Variants in APC2 observed in about 807,000 individuals in gnomAD.
APC2 encodes the protein adenomatous polyposis coli protein 2.
In APC2, 41 loss-of-function variants were observed where a neutral mutation model predicts 72.5. The observed-to-expected ratio is 0.57, with a 90% CI of 0.44 to 0.73. The LOEUF (loss-of-function observed/expected upper bound fraction) is 0.73, where lower values mean the gene tolerates loss of function less well. Ranked by LOEUF, APC2 falls within the 30% of genes least tolerant of loss-of-function variation. APC2 has a pLI of 0.00. For synonymous variants in APC2, 1,898 were observed against 1,612.0 expected (o/e 1.18, Z -4.25); for missense variants, 3,729 against 3,403.4 (o/e 1.10, Z -2.38).
upstream of APC2, among the ~76,000 whole-genome samples, chr19:1,447,379 C>T (rs902733432): frequency 3.3e-5 from 5 of 152,176 alleles, no homozygotes; most frequent in East Asian, 7.7e-4. Context: ...TGCCAGGCTG[C>T]GGACTTGCGG....
chr19:1,467,508 G>A lies in APC2; in HGVS notation c.4207G>A (p.Ala1403Thr), dbSNP rs1310771153. 2.0e-6 allele frequency: 3 copies of A among 1,464,332 alleles called. No individual in the cohort carries two copies. The highest frequency in any genetic ancestry group is 2.7e-6 in the Non-Finnish European group (3 of 1,110,544). The allele number at this position is 1,464,332 out of a possible 1,614,324, so 90.7% of individuals were successfully genotyped here. A position where few individuals can be genotyped will look rare whatever the true frequency, so the allele number is the denominator to read the frequency against. Reference protein sequence around the residue: ...AEGTPVNFSSAASLSDETLQG... With the variant: ...AEGTPVNFSSTASLSDETLQG... ...GGGCACGCCGGTCAACTTCTCTAGC[G>A]CCGCCTCGCTCAGCGACGAGACGCT... Residue 1403 changes from alanine (A) to threonine (T), a missense_variant, in exon 15 of 15, where the codon GCC becomes ACC. Transcript: ENST00000590469.
Position 1,453,691 on chromosome 19 carries a change from A to G in APC2, c.413+80A>G, listed in dbSNP as rs2083775855. 2.0e-6 allele frequency: 3 copies of G among 1,506,076 alleles called. No homozygotes were observed. The African/African-American group carries it at 4.2e-5, about 21-fold the overall frequency. 93.3% of individuals were successfully genotyped at this position (1,506,076 alleles called of 1,614,324 possible). ...GCGGGCTCTGCCCTCTAATTCGCCCACCCGCATATGTCTCTGCCCACACCT... is the reference window on the plus strand; with the variant it reads ...GCGGGCTCTGCCCTCTAATTCGCCCGCCCGCATATGTCTCTGCCCACACCT... On this transcript the variant is annotated intron_variant, in intron 4 of 14. Coordinates refer to ENST00000590469, the MANE Select transcript of APC2 (RefSeq NM_005883.3).
At position 1,469,333 on chromosome 19, in the gene APC2, T is replaced by C. The variant is rs1239537442; in HGVS notation, c.6032T>C (p.Leu2011Pro). ...GGCTTGCGGCGCCGCCGCTCCGAGC[T>C]GTCCTCGGCCGAGTCCGCGGCCTCT... ...SPGLRRRRSE[L>P]SSAESAASAP... Residue 2011 changes from leucine (L) to proline (P), a missense_variant, in exon 15 of 15, where the codon CTG becomes CCG. Leu to Pro is a moderately conservative substitution (Grantham distance 98). Transcript: ENST00000590469. The C allele has an allele frequency of 7.3e-7, 1 of 1,374,376 alleles. No individual in the cohort carries two copies. The highest frequency in any genetic ancestry group is 2.8e-5 in the Admixed American group (1 of 35,912). The allele number at this position is 1,374,376 out of a possible 1,614,324, so 85.1% of individuals were successfully genotyped here.
chr19:1,471,709 T>C lies in APC2; in HGVS notation c.*1496T>C, dbSNP rs1024339286. ...GGAGGAACGAAGCAGGGTTTGAGGGTTGGGTGGATGGAGCTCAGAAGGAAA... is the reference window on the plus strand; with the variant it reads ...GGAGGAACGAAGCAGGGTTTGAGGGCTGGGTGGATGGAGCTCAGAAGGAAA... On this transcript the variant is annotated 3_prime_UTR_variant, in exon 15 of 15. Transcript: ENST00000590469. 2.0e-5 allele frequency: 3 copies of C among 152,256 alleles called. No homozygotes were observed. The highest frequency in any genetic ancestry group is 2.9e-5 in the Non-Finnish European group (2 of 68,096). 9.4% of individuals were successfully genotyped at this position (152,256 alleles called of 1,614,324 possible).
chr19:1,469,578 C>T lies in APC2; in HGVS notation c.6277C>T (p.Pro2093Ser). The change falls in exon 15 of 15, where the codon CCG becomes TCG. Residue 2093 changes from proline to serine, a missense_variant. Physicochemically the swap from Pro to Ser is moderately conservative, Grantham distance 74. Coordinates refer to ENST00000590469, the MANE Select transcript of APC2 (RefSeq NM_005883.3). ...RLPVRAPAARPETVKRYASLP... is the reference protein window; with the variant it reads ...RLPVRAPAARSETVKRYASLP... ...GCCTGTGCGCGCGCCCGCCGCCCGG[C>T]CGGAGACTGTCAAGCGCTACGCGTC... The T allele has an allele frequency of 1.6e-6, 2 of 1,255,596 alleles. No individual in the cohort carries two copies. The highest frequency in any genetic ancestry group is 2.0e-6 in the Non-Finnish European group (2 of 986,932). The allele number at this position is 1,255,596 out of a possible 1,614,324, so 77.8% of individuals were successfully genotyped here.
chr19:1,469,803 C>A lies in APC2; in HGVS notation c.6502C>A (p.Pro2168Thr), dbSNP rs2084101448. Reference protein sequence around the residue: ...LRSTLPATALPLRGSTPEDAP... With the variant: ...LRSTLPATALTLRGSTPEDAP... ...CAGCACGCTTCCCGCCACGGCCCTG[C>A]CACTGCGGGGCTCCACGCCCGAGGA... The change falls in exon 15 of 15, where the codon CCA becomes ACA. Residue 2168 changes from proline to threonine, a missense_variant. Coordinates refer to ENST00000590469, the MANE Select transcript of APC2 (RefSeq NM_005883.3). 1.3e-6 allele frequency: 2 copies of A among 1,522,008 alleles called. No individual in the cohort carries two copies. Among genetic ancestry groups the A allele is most frequent in the Non-Finnish European group, 1.8e-6 (2 of 1,142,204 alleles). The allele number at this position is 1,522,008 out of a possible 1,614,324, so 94.3% of individuals were successfully genotyped here. A position where few individuals can be genotyped will look rare whatever the true frequency, so the allele number is the denominator to read the frequency against.
At chr19:1,459,168 T>G (rs1030461129) in intron 10 of APC2, among the ~76,000 whole-genome samples, 15 of 152,144 alleles carry the variant, frequency 9.9e-5, no homozygotes, top group African/African-American at 3.6e-4. Flanking sequence ...CGTGACATCC[T>G]CAAGGTGCAC....
Position 1,466,241 on chromosome 19 carries a change from C to T in APC2, c.2940C>T (p.Ala980=). 6.5e-7 allele frequency: 1 copy of T among 1,536,220 alleles called. No individual in the cohort carries two copies. Among genetic ancestry groups the T allele is most frequent in the Non-Finnish European group, 8.7e-7 (1 of 1,148,212 alleles). ...DLPGCQAEPP[A]REATSADARV... ...CCGGCTGCCAGGCCGAGCCCCCGGC[C>T]CGCGAGGCCACCTCCGCCGACGCCC... Residue 980 remains alanine, a synonymous_variant, in exon 15 of 15, where the codon GCC becomes GCT. Transcript: ENST00000590469.
rs2083756884 is a variant in APC2, at chr19:1,452,591, C to T, written c.-18-393C>T. ...TGGCTGTGAGCCTGGGGGTGCTGGG[C>T]TGGCCAGTCGGCTTGCTGGGTTAGG... On this transcript the variant is annotated intron_variant, in intron 1 of 14. Coordinates refer to ENST00000590469, the MANE Select transcript of APC2 (RefSeq NM_005883.3). The surrounding 1 kb of genome is among the most constrained non-coding windows in gnomAD (Gnocchi z 5.1). The T allele has an allele frequency of 1.1e-5, 2 of 189,340 alleles. No individual in the cohort carries two copies. Among genetic ancestry groups the T allele is most frequent in the Non-Finnish European group, 2.2e-5 (2 of 90,434 alleles). The allele number at this position is 189,340 out of a possible 1,614,324, so 11.7% of individuals were successfully genotyped here.
intron 9 of APC2, chr19:1,457,481 G>C: frequency 1.7e-6 from 1 of 582,330 alleles, no homozygotes; most frequent in Non-Finnish European, 2.9e-6. Context: ...ATGGATCGTG[G>C]GTAACTCTGG....
At position 1,469,819 on chromosome 19, in the gene APC2, C is replaced by A; in HGVS notation, c.6518C>A (p.Thr2173Lys). 1 of 1,520,600 alleles carries A rather than the reference C, an allele frequency of 6.6e-7. No individual in the cohort carries two copies. Among genetic ancestry groups the A allele is most frequent in the Non-Finnish European group, 8.8e-7 (1 of 1,141,262 alleles). 94.2% of individuals were successfully genotyped at this position (1,520,600 alleles called of 1,614,324 possible). A position where few individuals can be genotyped will look rare whatever the true frequency, so the allele number is the denominator to read the frequency against. ...ACGGCCCTGCCACTGCGGGGCTCCACGCCCGAGGACGCCCCGGCCGGGCCC... is the reference window on the plus strand; with the variant it reads ...ACGGCCCTGCCACTGCGGGGCTCCAAGCCCGAGGACGCCCCGGCCGGGCCC... ...PATALPLRGSTPEDAPAGPPP... is the reference protein window; with the variant it reads ...PATALPLRGSKPEDAPAGPPP... The change falls in exon 15 of 15, where the codon ACG (threonine) becomes AAG (lysine). Residue 2173 changes from threonine to lysine, a missense_variant. Thr to Lys is a moderately conservative substitution (Grantham distance 78, BLOSUM62 -1). Transcript: ENST00000590469.
At chr19:1,457,622 C>T in intron 9 of APC2, 1 of 498,168 alleles carries the variant, frequency 2.0e-6, no homozygotes, top group South Asian at 2.3e-5. Flanking sequence ...TGCTTGAGCC[C>T]AGGAATTTGG....
At position 1,466,916 on chromosome 19, in the gene APC2, C is replaced by T. The variant is rs749737779; in HGVS notation, c.3615C>T (p.Thr1205=). ...PSELPDSPGQ[T]MPPSRSKTPP... is the part of the protein sequence containing the mutation. ...AGCTGCCCGACAGCCCCGGACAGAC[C>T]ATGCCTCCCAGCCGGAGCAAGACGC... The change falls in exon 15 of 15, where the codon ACC becomes ACT. Residue 1205 remains threonine, a synonymous_variant. Coordinates refer to ENST00000590469, the MANE Select transcript of APC2 (RefSeq NM_005883.3). 5.7e-6 allele frequency: 9 copies of T among 1,590,380 alleles called. No individual in the cohort carries two copies. Among genetic ancestry groups the T allele is most frequent in the Middle Eastern group, 1.7e-4 (1 of 6,036 alleles).
rs546148398 is a variant in APC2, at chr19:1,452,938, G to A, written c.-18-46G>A. On this transcript the variant is annotated intron_variant, in intron 1 of 14. Transcript: ENST00000590469. The surrounding 1 kb of genome is among the most constrained non-coding windows in gnomAD (Gnocchi z 5.1). ...CCGTCTGTCCGGAAGGCATCACCGC[G>A]CCCTCCCCAGACCATCAGCTGAACC... The A allele has an allele frequency of 1.5e-5, 24 of 1,588,164 alleles. No homozygotes were observed. Among genetic ancestry groups the A allele is most frequent in the South Asian group, 5.7e-5 (5 of 87,488 alleles).
chr19:1,466,038 C>A lies in APC2; in HGVS notation c.2737C>A (p.Leu913Met). The change falls in exon 15 of 15, where the codon CTG becomes ATG. Residue 913 changes from leucine (L) to methionine (M), a missense_variant. By Grantham distance (15) the Leu-to-Met change is conservative. Coordinates refer to ENST00000590469, the MANE Select transcript of APC2 (RefSeq NM_005883.3). The part of the protein sequence containing the change: ...REAGSRAHPL[L>M]RLKAAHASLS... ...GGCAGGAAGCCGGGCGCACCCGCTG[C>A]TGCGGCTCAAGGCGGCCCACGCCAG... is the stretch of plus-strand genomic sequence containing the variant. The A allele has an allele frequency of 1.3e-6, 2 of 1,498,466 alleles. No homozygotes were observed. Among genetic ancestry groups the A allele is most frequent in the Non-Finnish European group, 1.8e-6 (2 of 1,134,988 alleles). The allele number at this position is 1,498,466 out of a possible 1,614,324, so 92.8% of individuals were successfully genotyped here.
At position 1,466,972 on chromosome 19, in the gene APC2, C is replaced by G. The variant is rs756410301; in HGVS notation, c.3671C>G (p.Pro1224Arg). ...PPLAPAPQGP[P>R]EATQFSLQWE... The stretch of plus-strand genomic sequence containing the variant: ...CTGGCGCCCGCGCCACAGGGTCCCC[C>G]CGAGGCCACCCAGTTCAGCCTGCAG... Residue 1224 changes from proline (P) to arginine (R), a missense_variant, in exon 15 of 15, where the codon CCC becomes CGC. By Grantham distance (103) the Pro-to-Arg change is moderately radical. Coordinates refer to ENST00000590469, the MANE Select transcript of APC2 (RefSeq NM_005883.3). 7 of 1,606,488 alleles carry G rather than the reference C, an allele frequency of 4.4e-6. No individual in the cohort carries two copies. In the African/African-American group the frequency reaches 5.3e-5, roughly 12 times the overall value.
At chr19:1,454,317 C>T (rs2145185777) in intron 4 of APC2, among the ~76,000 whole-genome samples, 1 of 151,988 alleles carries the variant, frequency 6.6e-6, no homozygotes, top group Middle Eastern at 3.4e-3. Context: ...GGACAGCCTC[C>T]CTCAGTCTTT....
chr19:1,457,415 C>T (rs778359610), intron 9 of APC2, 172 bp downstream of exon 9: 3 of 926,098 alleles, frequency 3.2e-6, no homozygotes, highest in African/African-American at 1.8e-5. Context: ...GGAAAAGACC[C>T]GCCCATGATC....
intron 6 of APC2, among the ~76,000 whole-genome samples, chr19:1,455,760 TCAG>T (rs763228590): frequency 4.0e-5 from 6 of 150,962 alleles, no homozygotes; most frequent in Non-Finnish European, 8.9e-5. Context: ...CAGGGCCAGA[TCAG>T]CAGGTGGGTG....
Sources: gnomAD v4.1 joint callset for allele counts (sites outside exome capture counted in the v4.1 genomes callset) on GRCh38, gnomAD v4.1.1 for gene constraint, Gnocchi (gnomAD v3.1) non-coding constraint, MANE v1.5 for transcripts, NCBI Gene and HGNC (gene_info 2026-07-23, HGNC 2026-07-21) for gene names.